Variants in REC114 observed in about 807,000 individuals in gnomAD.
REC114 encodes the protein meiotic recombination protein REC114.
REC114 carries 27 observed loss-of-function variants against 31.3 expected under a neutral mutation model. The observed-to-expected ratio is 0.86, with a 90% CI of 0.64 to 1.19. The LOEUF (loss-of-function observed/expected upper bound fraction) is 1.19, where lower values mean the gene tolerates loss of function less well. Ranked by LOEUF, REC114 falls within the 50% of genes most tolerant of loss-of-function variation. REC114 has a pLI of 0.00. For missense variants in REC114, 344 were observed against 326.9 expected (o/e 1.05, Z -0.40); for synonymous variants, 134 against 127.7 (o/e 1.05, Z -0.33).
intron 1 of REC114, among the ~76,000 whole-genome samples, chr15:73,472,449 A>T (rs530858619): frequency 6.6e-6 from 1 of 152,242 alleles, no homozygotes; most frequent in Non-Finnish European, 1.5e-5. Context: ...GAAATCTTGG[A>T]TTTAAATATA....
At chr15:73,556,250 T>TA in intron 4 of REC114, 52 bp from the exon 5 acceptor site, 2 of 1,453,538 alleles carry the variant, frequency 1.4e-6, no homozygotes, top group South Asian at 2.4e-5. Context: ...TGGCCTTTGG[T>TA]ATTTAAGATT....
chr15:73,540,676 A>ACC, intron 3 of REC114, 108 bp downstream of exon 3: 1 of 946,830 alleles, frequency 1.1e-6, no homozygotes, highest in Non-Finnish European at 1.7e-6. Flanking sequence ...AAGAATACAA[A>ACC]TGTTTAAGAA....
chr15:73,551,830 T>C (rs759629525), intron 4 of REC114, among the ~76,000 whole-genome samples: 18 of 152,228 alleles, frequency 1.2e-4, no homozygotes, highest in Non-Finnish European at 2.5e-4. Context: ...ATAGTATTTA[T>C]TGAAAATGAT....
At chr15:73,521,684 T>G (rs1893937465) in intron 2 of REC114, among the ~76,000 whole-genome samples, 1 of 152,182 alleles carries the variant, frequency 6.6e-6, no homozygotes, top group Non-Finnish European at 1.5e-5. Flanking sequence ...GAAGGTATTT[T>G]TATCATCTTT....
Position 73,511,080 on chromosome 15 carries a change from T to C in REC114, c.250-29405T>C, listed in dbSNP as rs1406134706. Among the ~76,000 whole-genome samples, 11 of 151,676 alleles carry C rather than the reference T, an allele frequency of 7.3e-5. No individual in the cohort carries two copies. In the South Asian group the frequency reaches 2.3e-3, roughly 32 times the overall value. On this transcript the variant is annotated intron_variant, in intron 2 of 5. Coordinates refer to ENST00000331090, the MANE Select transcript of REC114 (RefSeq NM_001042367.2). ...TGTGAATCCATCTGGTCCTGGACTC[T>C]TTTTGGTTGGTAAACTATTGATAAT...
intron 2 of REC114, among the ~76,000 whole-genome samples, chr15:73,514,929 ATT>A (rs34985483): frequency 0.11 from 14,975 of 132,494 alleles, 915 homozygotes; most frequent in African/African-American, 0.21. Flanking sequence ...TAACACTCTG[ATT>A]TTTTTTTTTT....
At chr15:73,476,669 A>G (rs1893219297) in intron 2 of REC114, among the ~76,000 whole-genome samples, 1 of 152,194 alleles carries the variant, frequency 6.6e-6, no homozygotes, top group Non-Finnish European at 1.5e-5. Flanking sequence ...TCTTCCATTC[A>G]GTATAATTTG....
intron 2 of REC114, among the ~76,000 whole-genome samples, chr15:73,528,449 T>C (rs1247750183): frequency 6.6e-6 from 1 of 152,216 alleles, no homozygotes; most frequent in African/African-American, 2.4e-5. Context: ...AGCTTCTTGA[T>C]CTACCGCTTT....
intron 2 of REC114, among the ~76,000 whole-genome samples, chr15:73,498,221 A>G (rs1031103675): frequency 1.3e-5 from 2 of 151,902 alleles, no homozygotes; most frequent in Non-Finnish European, 2.9e-5. Context: ...TACTGTGTAC[A>G]GAAGTCCTTG....
intron 2 of REC114, among the ~76,000 whole-genome samples, chr15:73,482,685 C>T (rs932952921): frequency 2.6e-5 from 4 of 152,160 alleles, no homozygotes; most frequent in African/African-American, 9.7e-5. Context: ...CCTTTTTAAA[C>T]AGAATAATAT....
intron 2 of REC114, among the ~76,000 whole-genome samples, chr15:73,492,767 G>T (rs1442437268): frequency 1.3e-5 from 2 of 152,090 alleles, no homozygotes; most frequent in Non-Finnish European, 2.9e-5. Flanking sequence ...TACAAATAAT[G>T]CATGAGAGTT....
At chr15:73,473,552 TG>T (rs1452637859) in intron 1 of REC114, among the ~76,000 whole-genome samples, 2 of 152,216 alleles carry the variant, frequency 1.3e-5, no homozygotes, top group Non-Finnish European at 2.9e-5. Context: ...AAAAAGTGGT[TG>T]GCTCAGGACC....
chr15:73,523,429 G>A (rs1027538216), intron 2 of REC114, among the ~76,000 whole-genome samples: 2 of 152,210 alleles, frequency 1.3e-5, no homozygotes, highest in African/African-American at 4.8e-5. Context: ...ACACACAGCA[G>A]TGAATGAATG....
intron 2 of REC114, among the ~76,000 whole-genome samples, chr15:73,526,641 T>C (rs1028801323): frequency 2.6e-5 from 4 of 152,210 alleles, no homozygotes; most frequent in Non-Finnish European, 5.9e-5. Context: ...ATAGAGCATA[T>C]TCATGAAATA....
chr15:73,518,968 A>G (rs1032039242), intron 2 of REC114, among the ~76,000 whole-genome samples: 3 of 152,212 alleles, frequency 2.0e-5, no homozygotes, highest in Non-Finnish European at 2.9e-5. Flanking sequence ...AGGCCAAAAC[A>G]AGCCCATGAA....
chr15:73,541,510 A>G (rs776532376), intron 3 of REC114, among the ~76,000 whole-genome samples: 1 of 152,182 alleles, frequency 6.6e-6, no homozygotes, highest in Admixed American at 6.5e-5. Context: ...TAATAAACTA[A>G]TTCAGTATAA....
At chr15:73,463,901 C>G (rs977837414) in intron 1 of REC114, among the ~76,000 whole-genome samples, 2 of 151,980 alleles carry the variant, frequency 1.3e-5, no homozygotes, top group African/African-American at 2.4e-5. Context: ...CTTCTTCTAT[C>G]CATGGAATTC....
chr15:73,490,815 C>T (rs1267049435), intron 2 of REC114, among the ~76,000 whole-genome samples: 3 of 150,992 alleles, frequency 2.0e-5, no homozygotes, highest in Non-Finnish European at 4.4e-5. Context: ...CCTTCGCCCC[C>T]ACCAAAAAAA....
At chr15:73,518,215 A>G (rs1351883389) in intron 2 of REC114, among the ~76,000 whole-genome samples, 1 of 152,258 alleles carries the variant, frequency 6.6e-6, no homozygotes, top group African/African-American at 2.4e-5. Flanking sequence ...TGCAAATAAC[A>G]GAAACCCAAC....
Sources: allele counts gnomAD v4.1 joint callset (sites outside exome capture counted in the v4.1 genomes callset), GRCh38; gene constraint gnomAD v4.1.1; transcripts MANE v1.5; gene names NCBI Gene and HGNC (gene_info 2026-07-23, HGNC 2026-07-21).